Variants in ZNF558 observed in about 807,000 individuals in gnomAD.
ZNF558 encodes the protein zinc finger protein 558.
A neutral mutation model predicts 37.6 loss-of-function variants in ZNF558; 23 were observed. The observed-to-expected ratio is 0.61, with a 90% CI of 0.44 to 0.87. The LOEUF (loss-of-function observed/expected upper bound fraction) is 0.87, where lower values mean the gene tolerates loss of function less well. Among genes scored for constraint, ZNF558 ranks in the 40% least tolerant of loss-of-function variants. The pLI is 0.00. For synonymous variants in ZNF558, 189 were observed against 174.4 expected, an observed-to-expected ratio of 1.08 and a Z score of -0.66; for missense variants, 429 against 483.7, an observed-to-expected ratio of 0.89 and a Z score of 1.06.
chr19:8,823,040 C>T (rs11673336), intron 4 of ZNF558, among the ~76,000 whole-genome samples: 77,176 of 151,684 alleles, frequency 0.51, 19,992 homozygotes, highest in South Asian at 0.6. Flanking sequence ...CCTCCTTCCC[C>T]GGGGACTCCG....
intron 2 of ZNF558, among the ~76,000 whole-genome samples, chr19:8,828,695 C>T (rs1487571207): frequency 1.3e-5 from 2 of 152,150 alleles, no homozygotes. Flanking sequence ...GGCACGGTGG[C>T]TCATGTCTGT....
chr19:8,827,488 C>T (rs985191431), intron 2 of ZNF558, among the ~76,000 whole-genome samples: 9 of 151,858 alleles, frequency 5.9e-5, no homozygotes, highest in African/African-American at 1.7e-4. Context: ...TTCCCACTGG[C>T]CTGAGAACAG....
chr19:8,825,463 A>T (rs528097334), intron 2 of ZNF558, among the ~76,000 whole-genome samples: 62 of 152,132 alleles, frequency 4.1e-4, no homozygotes, highest in African/African-American at 1.3e-3. Context: ...AAAACAAAGA[A>T]CCCCTGAAAA....
In ZNF558 at chr19:8,812,596, C is replaced by T; in HGVS notation, c.391G>A (p.Val131Ile). The T allele has an allele frequency of 2.5e-6, 4 of 1,603,568 alleles. No individual in the cohort carries two copies. The highest frequency in any genetic ancestry group is 3.4e-6 in the Non-Finnish European group (4 of 1,177,374). The change falls in exon 9 of 10, where the codon GTT becomes ATT. Residue 131 changes from valine to isoleucine, a missense_variant. Physicochemically the swap from Val to Ile is conservative, Grantham distance 29 (BLOSUM62 3). Coordinates refer to ENST00000601372, the MANE Select transcript of ZNF558 (RefSeq NM_144693.3). Reference sequence around the variant, plus strand: ...CCTTTAGACTGTTCTTTTCTGAAAACATTCTTCTTAGGAGTTAACCATTTG... The same window carrying T: ...CCTTTAGACTGTTCTTTTCTGAAAATATTCTTCTTAGGAGTTAACCATTTG... Reference protein sequence around the residue: ...KAKWLTPKKNVFRKEQSKGVK... With the variant: ...KAKWLTPKKNIFRKEQSKGVK...
Position 8,808,014 on chromosome 19 carries a change from T to C in ZNF558, c.*3267A>G, listed in dbSNP as rs1403038477. 6.6e-6 allele frequency: 1 copy of C among 152,224 alleles called. No homozygotes were observed. The highest frequency in any genetic ancestry group is 1.5e-5 in the Non-Finnish European group (1 of 68,044). 9.4% of individuals were successfully genotyped at this position (152,224 alleles called of 1,614,324 possible). On this transcript the variant is annotated 3_prime_UTR_variant, in exon 10 of 10. Transcript: ENST00000601372. ...TAATAACATTACATACTTAAGTTTA[T>C]AATGCATACTGAGTTAATACTTATA...
rs2043774610 is a variant in ZNF558 at position 8,811,100 on chromosome 19, T to C, written c.*181A>G. On this transcript the variant is annotated 3_prime_UTR_variant, in exon 10 of 10. Transcript: ENST00000601372. ...GTGTAACTACAGAGATAAGCTGTTC[T>C]TGAATTCCTGATCTGTAGAAATTGT... 1 of 590,194 alleles carries C rather than the reference T, an allele frequency of 1.7e-6. No individual in the cohort carries two copies. The highest frequency in any genetic ancestry group is 2.9e-5 in the East Asian group (1 of 34,376). The allele number at this position is 590,194 out of a possible 1,614,324, so 36.6% of individuals were successfully genotyped here.
Position 8,810,359 on chromosome 19 carries a change from T to C in ZNF558, c.*922A>G, listed in dbSNP as rs147770031. The C allele has an allele frequency of 6.6e-5, 10 of 152,312 alleles. No individual in the cohort carries two copies. Among genetic ancestry groups the C allele is most frequent in the African/African-American group, 2.4e-4 (10 of 41,572 alleles). The allele number at this position is 152,312 out of a possible 1,614,324, so 9.4% of individuals were successfully genotyped here. A position where few individuals can be genotyped will look rare whatever the true frequency, so the allele number is the denominator to read the frequency against. ...GTTCCATTGTGTGATTTCCAGTGCG[T>C]CTTAAGGGATGACTGTCACTGAAGC... On this transcript the variant is annotated 3_prime_UTR_variant, in exon 10 of 10. Coordinates refer to ENST00000601372, the MANE Select transcript of ZNF558 (RefSeq NM_144693.3).
At chr19:8,812,474 A>G in intron 9 of ZNF558, 87 bp downstream of exon 9, 1 of 818,208 alleles carries the variant, frequency 1.2e-6, no homozygotes. Flanking sequence ...CTTTCCTTTA[A>G]TGCCTCTCCT....
chr19:8,820,389 A>C (rs951489928), intron 7 of ZNF558, among the ~76,000 whole-genome samples: 1 of 152,260 alleles, frequency 6.6e-6, no homozygotes, highest in Non-Finnish European at 1.5e-5. Context: ...TCAATAGAAA[A>C]ATGGATTGGC....
At chr19:8,825,888 T>A (rs1599288638) in intron 2 of ZNF558, among the ~76,000 whole-genome samples, 2 of 152,298 alleles carry the variant, frequency 1.3e-5, no homozygotes, top group East Asian at 3.9e-4. Flanking sequence ...ATTCTGCAGC[T>A]GTGAGGAAGG....
At chr19:8,816,194 G>A (rs1009135642) in intron 7 of ZNF558, among the ~76,000 whole-genome samples, 3 of 151,930 alleles carry the variant, frequency 2.0e-5, no homozygotes, top group African/African-American at 7.3e-5. Context: ...AGCCTTCCAA[G>A]AAGCTGGGAC....
Position 8,811,156 on chromosome 19 carries a change from C to A in ZNF558, c.*125G>T. The A allele has an allele frequency of 9.3e-7, 1 of 1,070,992 alleles. No individual in the cohort carries two copies. Among genetic ancestry groups the A allele is most frequent in the Non-Finnish European group, 1.3e-6 (1 of 763,618 alleles). 66.3% of individuals were successfully genotyped at this position (1,070,992 alleles called of 1,614,324 possible). A position where few individuals can be genotyped will look rare whatever the true frequency, so the allele number is the denominator to read the frequency against. On this transcript the variant is annotated 3_prime_UTR_variant, in exon 10 of 10. Transcript: ENST00000601372. ...AATAAACATTTCGTGTTTGAAGCCACAAAATTTGCGGGGATCATTTGTTAT... is the reference window on the plus strand; with the variant it reads ...AATAAACATTTCGTGTTTGAAGCCAAAAAATTTGCGGGGATCATTTGTTAT...
Position 8,809,094 on chromosome 19 carries a change from G to A in ZNF558, c.*2187C>T, listed in dbSNP as rs919638168. 2 of 152,210 alleles carry A rather than the reference G, an allele frequency of 1.3e-5. No individual in the cohort carries two copies. Among genetic ancestry groups the A allele is most frequent in the African/African-American group, 4.8e-5 (2 of 41,444 alleles). The allele number at this position is 152,210 out of a possible 1,614,324, so 9.4% of individuals were successfully genotyped here. On this transcript the variant is annotated 3_prime_UTR_variant, in exon 10 of 10. Transcript: ENST00000601372. ...ACACCCAGCCTAGGGGTTTCTTTTA[G>A]TCACATAAGAAGTATAAGAATAAGG...
intron 3 of ZNF558, among the ~76,000 whole-genome samples, chr19:8,824,707 T>C (rs1395058878): frequency 6.6e-6 from 1 of 152,160 alleles, no homozygotes; most frequent in Non-Finnish European, 1.5e-5. Context: ...CCCTCCTGCT[T>C]TTGAGGAGCT....
chr19:8,834,453 C>T (rs530005592), upstream of ZNF558, among the ~76,000 whole-genome samples: 2 of 151,290 alleles, frequency 1.3e-5, no homozygotes, highest in East Asian at 1.9e-4. Flanking sequence ...ACTAAAAATA[C>T]CAAAATTAGC....
chr19:8,836,196 TATACAC>T (rs540714406), upstream of ZNF558, among the ~76,000 whole-genome samples: 12 of 152,290 alleles, frequency 7.9e-5, no homozygotes, highest in Middle Eastern at 6.8e-3. Context: ...AATGTAGAAT[TATACAC>T]ATAAATTCTT....
upstream of ZNF558, among the ~76,000 whole-genome samples, chr19:8,833,835 A>G (rs1368760723): frequency 1.3e-5 from 2 of 152,086 alleles, no homozygotes; most frequent in African/African-American, 4.8e-5. Flanking sequence ...TAAAAATACA[A>G]AATTAGCCGG....
Position 8,829,032 on chromosome 19 carries a change from G to A in ZNF558, c.-509+2286C>T, listed in dbSNP as rs556219666. 1.2e-4 allele frequency among the ~76,000 whole-genome samples: 18 copies of A among 151,676 alleles called. No individual in the cohort carries two copies. The South Asian group carries it at 3.8e-3, about 32-fold the overall frequency. ...TCATCTCAGCACTTTGGGAGGCTGAGGCGGGTGGATCACGAAGTCAGGAGA... is the reference window on the plus strand; with the variant it reads ...TCATCTCAGCACTTTGGGAGGCTGAAGCGGGTGGATCACGAAGTCAGGAGA... On this transcript the variant is annotated intron_variant, in intron 2 of 9. Transcript: ENST00000601372.
intron 7 of ZNF558, among the ~76,000 whole-genome samples, chr19:8,814,041 C>T (rs1555769411): frequency 1.3e-5 from 2 of 152,180 alleles, no homozygotes; most frequent in African/African-American, 4.8e-5. Context: ...TCCACAAAAA[C>T]AGTGAGTAAA....
Sources: gnomAD v4.1 joint callset for allele counts (sites outside exome capture counted in the v4.1 genomes callset) on GRCh38, gnomAD v4.1.1 for gene constraint, MANE v1.5 for transcripts, NCBI Gene and HGNC (gene_info 2026-07-23, HGNC 2026-07-21) for gene names.